PPP2R5C: variants seen among roughly 807,000 people sequenced by gnomAD.
The protein encoded by PPP2R5C is serine/threonine-protein phosphatase 2A 56 kDa regulatory subunit gamma isoform.
In PPP2R5C, 7 loss-of-function variants were observed where a neutral mutation model predicts 68.9. The ratio of observed to expected loss-of-function variants is 0.10; its 90% CI spans 0.06 to 0.19. The LOEUF (loss-of-function observed/expected upper bound fraction) is 0.19. Among genes scored for constraint, PPP2R5C ranks in the 10% least tolerant of loss-of-function variants. The pLI, the probability that PPP2R5C is intolerant of heterozygous loss-of-function variation, is 1.00. For synonymous variants in PPP2R5C, 210 were observed against 222.2 expected (o/e 0.95, Z 0.49); for missense variants, 348 against 641.3 (o/e 0.54, Z 4.94).
At chr14:101,922,259 C>T (rs1210077526) in intron 13 of PPP2R5C, 3 of 902,202 alleles carry the variant, frequency 3.3e-6, no homozygotes, top group Non-Finnish European at 4.0e-6. Flanking sequence ...GAGGCCGAGG[C>T]GGGCAGATCA....
chr14:101,861,135 G>A (rs2042712654), intron 2 of PPP2R5C, among the ~76,000 whole-genome samples: 1 of 152,182 alleles, frequency 6.6e-6, no homozygotes, highest in Non-Finnish European at 1.5e-5. Flanking sequence ...AAAACTCAAT[G>A]TAGTAAAAGT....
intron 1 of PPP2R5C, among the ~76,000 whole-genome samples, chr14:101,855,977 G>A (rs534701472): frequency 1.3e-5 from 2 of 152,340 alleles, no homozygotes; most frequent in East Asian, 1.9e-4. Flanking sequence ...CGTTATTGCT[G>A]TTTCTAAATT....
chr14:101,912,535 G>A (rs976119918), intron 12 of PPP2R5C, 62 bp downstream of exon 14: 11 of 1,500,668 alleles, frequency 7.3e-6, no homozygotes, highest in Non-Finnish European at 8.9e-6. Context: ...TATAAGATAG[G>A]AATATATGTC....
rs941443727 is a variant in PPP2R5C at position 101,804,671 on chromosome 14, A to G, written c.259+18488A>G. Among the ~76,000 whole-genome samples the G allele has an allele frequency of 1.9e-4, 29 of 152,150 alleles. 1 individual carries two copies. The highest frequency in any genetic ancestry group is 4.8e-5 in the African/African-American group (2 of 41,534). ...TTCATGGGATCTAAAAATCAAAACAATTGAACTCATGGACATAGAGAGTAG... is the reference window on the plus strand; with the variant it reads ...TTCATGGGATCTAAAAATCAAAACAGTTGAACTCATGGACATAGAGAGTAG... On this transcript the variant is annotated intron_variant, in intron 3 of 14. Coordinates refer to the PPP2R5C transcript ENST00000328724.
intron 1 of PPP2R5C, among the ~76,000 whole-genome samples, chr14:101,851,258 T>G (rs1433079282): frequency 6.6e-6 from 1 of 151,996 alleles, no homozygotes; most frequent in Admixed American, 6.6e-5. Flanking sequence ...CATAGTGAGA[T>G]TGTGTCTCTA....
intron 5 of PPP2R5C, among the ~76,000 whole-genome samples, chr14:101,884,141 A>G (rs1315965222): frequency 1.3e-5 from 2 of 152,194 alleles, no homozygotes; most frequent in Admixed American, 6.5e-5. Context: ...TGAAGAATTT[A>G]GAGTCCAATG....
rs772304376 is a variant in PPP2R5C at position 101,915,138 on chromosome 14, G to C, written c.1326+2665G>C. Reference sequence around the variant, plus strand: ...GTTACCCAGGCTGGAGTGCAGTGGCGTGATCTCGGCTCACCACAACCTCCG... The same window carrying C: ...GTTACCCAGGCTGGAGTGCAGTGGCCTGATCTCGGCTCACCACAACCTCCG... On this transcript the variant is annotated intron_variant, in intron 12 of 13. Coordinates refer to ENST00000334743, the Ensembl canonical transcript of PPP2R5C. This position sits in a 1 kb window ranked among gnomAD's most constrained non-coding sequence, Gnocchi z 4.2. Among the ~76,000 whole-genome samples the C allele has an allele frequency of 6.6e-6, 1 of 152,136 alleles. No homozygotes were observed. Among genetic ancestry groups the C allele is most frequent in the South Asian group, 2.1e-4 (1 of 4,828 alleles).
At chr14:101,887,184 A>G (rs1204610641) in intron 5 of PPP2R5C, among the ~76,000 whole-genome samples, 3 of 152,244 alleles carry the variant, frequency 2.0e-5, no homozygotes, top group South Asian at 2.1e-4. Context: ...TGAGTTAAAC[A>G]GTGCTGTCCA....
At chr14:101,912,235 CA>C (rs1434404370) in intron 11 of PPP2R5C, among the ~76,000 whole-genome samples, 165 bp from the exon 14 acceptor site, 1 of 152,192 alleles carries the variant, frequency 6.6e-6, no homozygotes, top group African/African-American at 2.4e-5. Flanking sequence ...GTTTAAATCT[CA>C]GTTCGTTTTT....
chr14:101,794,446 G>A (rs1047608062), intron 3 of PPP2R5C, among the ~76,000 whole-genome samples: 1 of 152,130 alleles, frequency 6.6e-6, no homozygotes, highest in Non-Finnish European at 1.5e-5. Flanking sequence ...TGTTGCCCAA[G>A]CTGGTCTTGA....
intron 2 of PPP2R5C, among the ~76,000 whole-genome samples, chr14:101,866,382 T>C (rs1280001013): frequency 1.3e-5 from 2 of 152,248 alleles, no homozygotes; most frequent in South Asian, 2.1e-4. Context: ...TGAAATACTC[T>C]ACAGAGTACG....
At chr14:101,926,290 A>G (rs2047287329) in exon 14 of PPP2R5C, 1 of 152,728 alleles carries the variant, frequency 6.5e-6, no homozygotes, top group Non-Finnish European at 1.5e-5. Context: ...TGAAGGCTGC[A>G]GTGCTGTTCT....
intron 1 of PPP2R5C, among the ~76,000 whole-genome samples, chr14:101,840,730 C>A (rs1272708835): frequency 1.3e-5 from 2 of 152,092 alleles, no homozygotes; most frequent in Non-Finnish European, 2.9e-5. Context: ...TGCCCTGTTA[C>A]AAGATCAAGA....
chr14:101,808,599 A>T (rs557644784), upstream of PPP2R5C, among the ~76,000 whole-genome samples: 1 of 152,176 alleles, frequency 6.6e-6, no homozygotes, highest in South Asian at 2.1e-4. Flanking sequence ...CTGGCGCTAA[A>T]CCCTCAGCTG....
At chr14:101,878,622 G>A (rs2043944194) in intron 2 of PPP2R5C, among the ~76,000 whole-genome samples, 1 of 152,190 alleles carries the variant, frequency 6.6e-6, no homozygotes, top group African/African-American at 2.4e-5. Flanking sequence ...GAGTCCAGCG[G>A]GCAGGTCTGG....
intron 9 of PPP2R5C, among the ~76,000 whole-genome samples, chr14:101,903,779 G>T (rs560832671): frequency 2.0e-4 from 31 of 151,938 alleles, no homozygotes; most frequent in Admixed American, 1.4e-3. Flanking sequence ...AGGTTCAAGT[G>T]ATTCTCCTGC....
At chr14:101,908,915 T>C (rs2141088600) in intron 10 of PPP2R5C, among the ~76,000 whole-genome samples, 1 of 152,336 alleles carries the variant, frequency 6.6e-6, no homozygotes, top group South Asian at 2.1e-4. Flanking sequence ...TTGGGATTTA[T>C]TTGTTTTTAG....
chr14:101,818,004 C>G (rs1412799730), intron 1 of PPP2R5C: 3 of 149,550 alleles, frequency 2.0e-5, no homozygotes, highest in Non-Finnish European at 4.4e-5. Context: ...GCTCATCTGT[C>G]TCTCTCTCTC....
intron 8 of PPP2R5C, among the ~76,000 whole-genome samples, chr14:101,897,105 C>T (rs1019300864): frequency 5.9e-5 from 9 of 152,158 alleles, no homozygotes; most frequent in African/African-American, 1.9e-4. Flanking sequence ...CATCCCTGCA[C>T]ACTCTCCCTC....
Sources: gnomAD v4.1 joint callset for allele counts (sites outside exome capture counted in the v4.1 genomes callset) on GRCh38, gnomAD v4.1.1 for gene constraint, Gnocchi (gnomAD v3.1) non-coding constraint, MANE v1.5 for transcripts, NCBI Gene and HGNC (gene_info 2026-07-23, HGNC 2026-07-21) for gene names.